Variants in GORAB observed in about 807,000 individuals in gnomAD.
GORAB encodes golgin, RAB6 interacting.
Under a neutral mutation model 29.9 loss-of-function variants are expected in GORAB, and 17 were observed. That is an observed-to-expected ratio of 0.57 (90% CI 0.39 to 0.85). GORAB has a LOEUF of 0.85. GORAB is among the 40% of genes least tolerant of loss of function. The pLI is 0.00. For missense variants in GORAB, 442 were observed against 437.8 expected (o/e 1.01, Z -0.09); for synonymous variants, 183 against 157.2 (o/e 1.16, Z -1.23).
chr1:170,546,141 A>T (rs923727397), intron 4 of GORAB, among the ~76,000 whole-genome samples: 1 of 152,220 alleles, frequency 6.6e-6, no homozygotes, highest in African/African-American at 2.4e-5. Context: ...CTGTAATCTC[A>T]GCATTTTGGG....
intron 4 of GORAB, among the ~76,000 whole-genome samples, chr1:170,551,401 G>A (rs1650092983): frequency 6.6e-6 from 1 of 152,140 alleles, no homozygotes; most frequent in South Asian, 2.1e-4. Context: ...TGCTGGGTGT[G>A]CTCTGTTCCA....
At chr1:170,549,234 T>C (rs2101831863) in intron 4 of GORAB, among the ~76,000 whole-genome samples, 1 of 152,350 alleles carries the variant, frequency 6.6e-6, no homozygotes, top group Middle Eastern at 3.4e-3. Flanking sequence ...AATGCTCTTA[T>C]TATTTTGTTC....
At chr1:170,548,858 G>C (rs1471230779) in intron 4 of GORAB, among the ~76,000 whole-genome samples, 1 of 151,446 alleles carries the variant, frequency 6.6e-6, no homozygotes, top group African/African-American at 2.4e-5. Context: ...TTTATGAAAG[G>C]GTTCTTTGGA....
Position 170,542,467 on chromosome 1 carries a change from T to C in GORAB, c.420-24T>C, listed in dbSNP as rs952204318. ...GTTTCTTTTTCTTTCATAAACTCAT[T>C]TTTATGCTTTTTTTGCCCCCTAGGC... On this transcript the variant is annotated intron_variant, in intron 2 of 4. Transcript: ENST00000367763. 4.0e-6 allele frequency: 6 copies of C among 1,490,030 alleles called. No homozygotes were observed. The African/African-American group carries it at 8.3e-5, about 21-fold the overall frequency. 92.3% of individuals were successfully genotyped at this position (1,490,030 alleles called of 1,614,324 possible).
chr1:170,534,572 T>A (rs1260803683), intron 1 of GORAB, among the ~76,000 whole-genome samples: 2 of 152,170 alleles, frequency 1.3e-5, no homozygotes, highest in African/African-American at 4.8e-5. Flanking sequence ...ACCACATATA[T>A]GGTGATGGTC....
In GORAB at chr1:170,553,767, T is replaced by A. The variant is rs1330502353; in HGVS notation, c.*1305T>A. ...GATAGTTGTGCTTTTATTTATGAAATACATAAAAGCCAACAGTTTCATTGT... is the reference window on the plus strand; with the variant it reads ...GATAGTTGTGCTTTTATTTATGAAAAACATAAAAGCCAACAGTTTCATTGT... On this transcript the variant is annotated 3_prime_UTR_variant, in exon 5 of 5. Transcript: ENST00000367763. 4.4e-6 allele frequency: 2 copies of A among 453,242 alleles called. No individual in the cohort carries two copies. The highest frequency in any genetic ancestry group is 8.8e-6 in the Non-Finnish European group (2 of 226,622). The allele number at this position is 453,242 out of a possible 1,614,324, so 28.1% of individuals were successfully genotyped here.
intron 1 of GORAB, among the ~76,000 whole-genome samples, chr1:170,537,448 T>G (rs915298532): frequency 1.3e-5 from 2 of 152,174 alleles, no homozygotes; most frequent in Admixed American, 1.3e-4. Flanking sequence ...AACCTCTCTG[T>G]TAGCCTTTAG....
chr1:170,532,374 G>A, intron 1 of GORAB, 90 bp downstream of exon 1: 2 of 1,418,480 alleles, frequency 1.4e-6, no homozygotes, highest in Non-Finnish European at 2.0e-6. Context: ...GGGCGTGGAA[G>A]CGGCTACGTT....
intron 1 of GORAB, 83 bp from the exon 2 acceptor site, chr1:170,539,127 A>T (rs770296573): frequency 2.6e-6 from 4 of 1,523,524 alleles, no homozygotes; most frequent in Non-Finnish European, 1.8e-6. Flanking sequence ...TCAACGTTTA[A>T]TGTTAATTTT....
chr1:170,539,129 G>A, intron 1 of GORAB, 81 bp from the exon 2 acceptor site: 2 of 1,546,082 alleles, frequency 1.3e-6, no homozygotes, highest in Non-Finnish European at 1.8e-6. Context: ...AACGTTTAAT[G>A]TTAATTTTTT....
At chr1:170,545,003 T>C (rs1007212943) in intron 4 of GORAB, 158 bp downstream of exon 4, 2 of 1,370,504 alleles carry the variant, frequency 1.5e-6, no homozygotes, top group African/African-American at 1.4e-5. Flanking sequence ...AAGTGTCTCC[T>C]CTTCAGTGAA....
chr1:170,533,091 G>A (rs974035464), intron 1 of GORAB, among the ~76,000 whole-genome samples: 5 of 152,180 alleles, frequency 3.3e-5, no homozygotes, highest in African/African-American at 1.2e-4. Flanking sequence ...TATCGTGGTA[G>A]TACACACAAT....
intron 1 of GORAB, among the ~76,000 whole-genome samples, chr1:170,534,670 G>A (rs1460823155): frequency 6.6e-6 from 1 of 152,156 alleles, no homozygotes; most frequent in Non-Finnish European, 1.5e-5. Flanking sequence ...ACAGTCTTCA[G>A]TATAGTGACA....
rs148682649 is a variant in GORAB at position 170,539,420 on chromosome 1, T to A, written c.272T>A (p.Leu91His). Residue 91 changes from leucine (L) to histidine (H), a missense_variant, in exon 2 of 5, where the codon CTC becomes CAC. Coordinates refer to ENST00000367763, the MANE Select transcript of GORAB (RefSeq NM_152281.3). ...CCTACTCTTCCGAGTCATTTCACTC[T>A]CACCTCCCCCGTTGGTGATGGACAA... The part of the protein sequence containing the change: ...SSPTLPSHFT[L>H]TSPVGDGQPQ... 8.1e-6 allele frequency: 13 copies of A among 1,614,010 alleles called. No individual in the cohort carries two copies. In the African/African-American group the frequency reaches 1.5e-4, roughly 18 times the overall value.
chr1:170,542,098 T>C (rs939905292), intron 2 of GORAB, among the ~76,000 whole-genome samples: 2 of 152,208 alleles, frequency 1.3e-5, no homozygotes, highest in African/African-American at 4.8e-5. Flanking sequence ...CTCTAAAAGG[T>C]ATAAATAATA....
chr1:170,542,618 T>G lies in GORAB; in HGVS notation c.521+26T>G, dbSNP rs765617096. ...GTGAGGCACCTGAACCAGGAGAGGCTGTTTGTAACCTGTAACCAGTTGTGT... is the reference window on the plus strand; with the variant it reads ...GTGAGGCACCTGAACCAGGAGAGGCGGTTTGTAACCTGTAACCAGTTGTGT... On this transcript the variant is annotated intron_variant, in intron 3 of 4. Transcript: ENST00000367763. 9 of 1,440,944 alleles carry G rather than the reference T, an allele frequency of 6.2e-6. No homozygotes were observed. In the Admixed American group the frequency reaches 1.3e-4, roughly 21 times the overall value. 89.3% of individuals were successfully genotyped at this position (1,440,944 alleles called of 1,614,324 possible).
chr1:170,539,581 T>C lies in GORAB; in HGVS notation c.419+14T>C, dbSNP rs1263482785. On this transcript the variant is annotated intron_variant, in intron 2 of 4. Transcript: ENST00000367763. ...GAAAGTGGAATTGTTAGTAAGTCTA[T>C]GTGAAAAGTCCATGAGACTTTTCAT... 4 of 1,613,116 alleles carry C rather than the reference T, an allele frequency of 2.5e-6. No individual in the cohort carries two copies. The highest frequency in any genetic ancestry group is 3.3e-5 in the Admixed American group (2 of 59,916).
rs532162611 is a variant in GORAB, at chr1:170,533,285, A to G, written c.61+1001A>G. Among the ~76,000 whole-genome samples, 15 of 152,348 alleles carry G rather than the reference A, an allele frequency of 9.8e-5. No individual in the cohort carries two copies. In the South Asian group the frequency reaches 2.9e-3, roughly 29 times the overall value. ...CAAGTGGGAAAAGAAGTAAATTAGT[A>G]AGATAGGGCCAATGTAGATTATATC... On this transcript the variant is annotated intron_variant, in intron 1 of 4. Coordinates refer to ENST00000367763, the MANE Select transcript of GORAB (RefSeq NM_152281.3).
intron 4 of GORAB, among the ~76,000 whole-genome samples, chr1:170,548,812 T>C (rs932403512): frequency 6.6e-6 from 1 of 152,228 alleles, no homozygotes; most frequent in African/African-American, 2.4e-5. Flanking sequence ...ACAGGAAATA[T>C]AAAAATACTG....
Sources: gnomAD v4.1 joint callset for allele counts (sites outside exome capture counted in the v4.1 genomes callset) on GRCh38, gnomAD v4.1.1 for gene constraint, MANE v1.5 for transcripts, NCBI Gene and HGNC (gene_info 2026-07-23, HGNC 2026-07-21) for gene names.